KNSTRN: variants seen among roughly 807,000 people sequenced by gnomAD.
KNSTRN encodes small kinetochore-associated protein.
A neutral mutation model predicts 44.7 loss-of-function variants in KNSTRN; 38 were observed. That is an observed-to-expected ratio of 0.85 (90% confidence interval 0.66 to 1.11). The LOEUF (loss-of-function observed/expected upper bound fraction) is 1.11. KNSTRN is among the 50% of genes most tolerant of loss of function. The pLI is 0.00. For missense variants in KNSTRN, 406 were observed against 375.8 expected (o/e 1.08, Z -0.66); for synonymous variants, 158 against 148.1 (o/e 1.07, Z -0.48).
intron 8 of KNSTRN, chr15:40,393,219 G>A (rs1384270836): frequency 6.2e-7 from 1 of 1,613,876 alleles, no homozygotes; most frequent in Non-Finnish European, 8.5e-7. Flanking sequence ...ATGGGATATT[G>A]CACCAAATGT....
intron 8 of KNSTRN, 90 bp from the exon 9 acceptor site, chr15:40,393,379 A>C: frequency 6.3e-7 from 1 of 1,591,516 alleles, no homozygotes; most frequent in Non-Finnish European, 8.5e-7. Context: ...GTGGAATAGG[A>C]GCATAATGTT....
At position 40,386,440 on chromosome 15, in the gene KNSTRN, C is replaced by T; in HGVS notation, c.383C>T (p.Ser128Leu). 1.9e-6 allele frequency: 3 copies of T among 1,614,120 alleles called. No individual in the cohort carries two copies. The highest frequency in any genetic ancestry group is 2.5e-6 in the Non-Finnish European group (3 of 1,179,992). Reference sequence around the variant, plus strand: ...GTCGATGTTTCCAAACAGCTTCATTCAGGAGGTCCAGAGAATGATGTTACA... The same window carrying T: ...GTCGATGTTTCCAAACAGCTTCATTTAGGAGGTCCAGAGAATGATGTTACA... The part of the protein sequence containing the change: ...KEVDVSKQLH[S>L]GGPENDVTKI... Residue 128 changes from serine (S) to leucine (L), a missense_variant, in exon 3 of 9, where the codon TCA (serine) becomes TTA (leucine). Physicochemically the swap from Ser to Leu is moderately radical, Grantham distance 145. Coordinates refer to ENST00000249776, the MANE Select transcript of KNSTRN (RefSeq NM_033286.4).
chr15:40,383,361 C>T (rs767092703), intron 2 of KNSTRN, 39 bp downstream of exon 2: 16 of 1,512,794 alleles, frequency 1.1e-5, no homozygotes, highest in Middle Eastern at 1.7e-4. Flanking sequence ...TGCGGCCTGG[C>T]CGGGGATGGT....
chr15:40,393,359 G>A, intron 8 of KNSTRN, 110 bp from the exon 9 acceptor site: 3 of 1,591,910 alleles, frequency 1.9e-6, no homozygotes. Context: ...TACTCCAGTG[G>A]TCTTCCTTAG....
chr15:40,382,848 G>A lies in KNSTRN; in HGVS notation c.13G>A (p.Glu5Lys), dbSNP rs764271025. Residue 5 changes from glutamate to lysine, a missense_variant, in exon 1 of 9, where the codon GAA (glutamate) becomes AAA (lysine). Transcript: ENST00000249776. ...CCTTCCGTACAGTATGGCGGCTCCC[G>A]AAGCCCCGCCCCTGGACAGAGTTTT... MAAP[E>K]APPLDRVFRT... 1.2e-6 allele frequency: 2 copies of A among 1,601,970 alleles called. No homozygotes were observed. Among genetic ancestry groups the A allele is most frequent in the Admixed American group, 1.7e-5 (1 of 58,196 alleles).
chr15:40,382,861 T>C lies in KNSTRN; in HGVS notation c.26T>C (p.Leu9Pro), dbSNP rs1056073891. ...ATGGCGGCTCCCGAAGCCCCGCCCC[T>C]GGACAGAGTTTTCCGTACAACATGG... Reference protein sequence around the residue: MAAPEAPPLDRVFRTTWLS... With the variant: MAAPEAPPPDRVFRTTWLS... The change falls in exon 1 of 9, where the codon CTG becomes CCG. Residue 9 changes from leucine (L) to proline (P), a missense_variant. By Grantham distance (98) the Leu-to-Pro change is moderately conservative. Transcript: ENST00000249776. 7 of 1,611,478 alleles carry C rather than the reference T, an allele frequency of 4.3e-6. No homozygotes were observed. Among genetic ancestry groups the C allele is most frequent in the East Asian group, 2.2e-5 (1 of 44,844 alleles).
chr15:40,391,991 G>A lies in KNSTRN; in HGVS notation c.790G>A (p.Glu264Lys), dbSNP rs199907924. The change falls in exon 8 of 9, where the codon GAA becomes AAA. Residue 264 changes from glutamate to lysine, a missense_variant. Coordinates refer to ENST00000249776, the MANE Select transcript of KNSTRN (RefSeq NM_033286.4). ...GCAAGAGGAGCTGAAGCTTTTTAAC[G>A]AAACAGCCAAAAAGCAGATGGAGGA... ...TLQEELKLFN[E>K]TAKKQMEELQ... 587 of 1,611,314 alleles carry A rather than the reference G, an allele frequency of 3.6e-4. No individual in the cohort carries two copies. Among genetic ancestry groups the A allele is most frequent in the Middle Eastern group, 6.6e-4 (4 of 6,054 alleles).
chr15:40,388,393 T>C (rs1357409969), intron 4 of KNSTRN, among the ~76,000 whole-genome samples: 2 of 152,200 alleles, frequency 1.3e-5, no homozygotes, highest in African/African-American at 4.8e-5. Flanking sequence ...CTCATGCTAT[T>C]GTTTGTGGCT....
intron 3 of KNSTRN, chr15:40,386,841 AGTGT>A (rs1406254505): frequency 1.9e-6 from 1 of 523,750 alleles, no homozygotes; most frequent in Non-Finnish European, 3.4e-6. Flanking sequence ...GTCCAGCCCT[AGTGT>A]GTGTGTATGT....
At chr15:40,392,944 A>G (rs1270982952) in intron 8 of KNSTRN, among the ~76,000 whole-genome samples, 1 of 152,028 alleles carries the variant, frequency 6.6e-6, no homozygotes, top group Non-Finnish European at 1.5e-5. Context: ...GACCAACATC[A>G]GTACATTACT....
At chr15:40,393,154 C>T (rs1331810368) in intron 8 of KNSTRN, 6 of 1,606,942 alleles carry the variant, frequency 3.7e-6, no homozygotes, top group Non-Finnish European at 5.1e-6. Flanking sequence ...AGGAGAAGAC[C>T]TGTAGTAAGC....
chr15:40,385,016 C>T (rs1158170792), intron 2 of KNSTRN: 2 of 152,304 alleles, frequency 1.3e-5, no homozygotes, highest in African/African-American at 4.8e-5. Flanking sequence ...CTTACTAATA[C>T]TTGAGAGAGG....
rs779752929 is a variant in KNSTRN, at chr15:40,387,109, T to G, written c.438-50T>G. On this transcript the variant is annotated intron_variant, in intron 3 of 8. Coordinates refer to ENST00000249776, the MANE Select transcript of KNSTRN (RefSeq NM_033286.4). Reference sequence around the variant, plus strand: ...TTTGTTCTGCCTGTTCACAGCACACTTAACAGTACTGTAAGTCTCTGATTC... The same window carrying G: ...TTTGTTCTGCCTGTTCACAGCACACGTAACAGTACTGTAAGTCTCTGATTC... 36 of 1,380,884 alleles carry G rather than the reference T, an allele frequency of 2.6e-5. No homozygotes were observed. The East Asian group carries it at 7.1e-4, about 27-fold the overall frequency. 85.5% of individuals were successfully genotyped at this position (1,380,884 alleles called of 1,614,324 possible). A position where few individuals can be genotyped will look rare whatever the true frequency, so the allele number is the denominator to read the frequency against.
Position 40,392,006 on chromosome 15 carries a change from C to G in KNSTRN, c.805C>G (p.Gln269Glu). The change falls in exon 8 of 9, where the codon CAG becomes GAG. Residue 269 changes from glutamine to glutamate, a missense_variant. Physicochemically the swap from Gln to Glu is conservative, Grantham distance 29. Coordinates refer to ENST00000249776, the MANE Select transcript of KNSTRN (RefSeq NM_033286.4). ...GCTTTTTAACGAAACAGCCAAAAAG[C>G]AGATGGAGGAGTTACAGGTGAGAGG... is the stretch of plus-strand genomic sequence containing the variant. ...LKLFNETAKK[Q>E]MEELQALKVK... 6.2e-7 allele frequency: 1 copy of G among 1,610,770 alleles called. No individual in the cohort carries two copies. The highest frequency in any genetic ancestry group is 1.3e-5 in the African/African-American group (1 of 74,908).
Position 40,382,911 on chromosome 15 carries a change from C to G in KNSTRN, c.76C>G (p.Pro26Ala). The change falls in exon 1 of 9, where the codon CCA becomes GCA. Residue 26 changes from proline to alanine, a missense_variant. Physicochemically the swap from Pro to Ala is conservative, Grantham distance 27. Coordinates refer to ENST00000249776, the MANE Select transcript of KNSTRN (RefSeq NM_033286.4). Reference protein sequence around the residue: ...TWLSTECDSHPLPPSYRKFLF... With the variant: ...TWLSTECDSHALPPSYRKFLF... ...GCTGTCTACAGAGTGCGATTCCCAC[C>G]CACTTCCGCCTAGCTACCGGAAGTT... 6.2e-7 allele frequency: 1 copy of G among 1,612,312 alleles called. No homozygotes were observed. The highest frequency in any genetic ancestry group is 8.5e-7 in the Non-Finnish European group (1 of 1,180,034).
In KNSTRN at chr15:40,382,864, A is replaced by G. The variant is rs1418260494; in HGVS notation, c.29A>G (p.Asp10Gly). 6 of 1,611,998 alleles carry G rather than the reference A, an allele frequency of 3.7e-6. No individual in the cohort carries two copies. The highest frequency in any genetic ancestry group is 1.7e-5 in the Admixed American group (1 of 59,990). Residue 10 changes from aspartate to glycine, a missense_variant, in exon 1 of 9, where the codon GAC (aspartate) becomes GGC (glycine). Coordinates refer to ENST00000249776, the MANE Select transcript of KNSTRN (RefSeq NM_033286.4). ...GCGGCTCCCGAAGCCCCGCCCCTGG[A>G]CAGAGTTTTCCGTACAACATGGCTG... is the stretch of plus-strand genomic sequence containing the variant. MAAPEAPPL[D>G]RVFRTTWLST...
intron 8 of KNSTRN, among the ~76,000 whole-genome samples, 163 bp downstream of exon 8, chr15:40,392,186 G>T (rs369794317): frequency 6.7e-6 from 1 of 148,994 alleles, no homozygotes. Context: ...ATAGTAACGT[G>T]TTTTTTTTTT....
At chr15:40,389,985 C>T (rs1450327506) in intron 6 of KNSTRN, 56 bp downstream of exon 6, 48 of 1,402,626 alleles carry the variant, frequency 3.4e-5, no homozygotes, top group Non-Finnish European at 4.9e-5. Context: ...TGTGCCCCTT[C>T]CGGGGTTGAT....
At position 40,386,376 on chromosome 15, in the gene KNSTRN, G is replaced by T; in HGVS notation, c.319G>T (p.Ala107Ser). 3 of 1,613,534 alleles carry T rather than the reference G, an allele frequency of 1.9e-6. No individual in the cohort carries two copies. The highest frequency in any genetic ancestry group is 1.7e-6 in the Non-Finnish European group (2 of 1,179,766). The change falls in exon 3 of 9, where the codon GCC becomes TCC. Residue 107 changes from alanine to serine, a missense_variant. Transcript: ENST00000249776. ...TTCCTTTGCAGACACACAAACTCGG[G>T]CCACTTCTAAGAGTCTCTTACCTGT... ...GGQPADTQTR[A>S]TSKSLLPVRS...
Sources: gnomAD v4.1 joint callset for allele counts (sites outside exome capture counted in the v4.1 genomes callset) on GRCh38, gnomAD v4.1.1 for gene constraint, MANE v1.5 for transcripts, NCBI Gene and HGNC (gene_info 2026-07-23, HGNC 2026-07-21) for gene names.